The following LRP5 variants were observed in gnomAD, a reference collection of about 807,000 sequenced individuals.
LRP5 encodes LDL receptor related protein 5, also known as low-density lipoprotein receptor-related protein 5.
LRP5 carries 62 observed loss-of-function variants against 154.1 expected under a neutral mutation model. The observed-to-expected ratio is 0.40, with a 90% CI of 0.33 to 0.50. The LOEUF (loss-of-function observed/expected upper bound fraction) is 0.50, where lower values mean the gene tolerates loss of function less well. LRP5 is among the 20% of genes least tolerant of loss of function. The pLI, the probability that LRP5 is intolerant of heterozygous loss-of-function variation, is 0.55. For missense variants in LRP5, 1,915 were observed against 2,336.7 expected, an observed-to-expected ratio of 0.82 and a Z score of 3.72; for synonymous variants, 966 against 1,011.5, an observed-to-expected ratio of 0.96 and a Z score of 0.85.
chr11:68,411,695 C>A lies in LRP5; in HGVS notation c.2503+75C>A. 4.1e-6 allele frequency: 6 copies of A among 1,478,970 alleles called. No individual in the cohort carries two copies. The East Asian group carries it at 1.4e-4, about 35-fold the overall frequency. The allele number at this position is 1,478,970 out of a possible 1,614,324, so 91.6% of individuals were successfully genotyped here. On this transcript the variant is annotated intron_variant, in intron 11 of 22. Transcript: ENST00000294304. ...CGTTGGCCACCTCCCAGCCTCGCCG[C>A]ACATACCCTGTGGCCTGCAAGTTCC...
At chr11:68,343,782 C>T (rs1341341369) in intron 1 of LRP5, among the ~76,000 whole-genome samples, 1 of 152,208 alleles carries the variant, frequency 6.6e-6, no homozygotes, top group African/African-American at 2.4e-5. Context: ...CCAGGAGCTC[C>T]TGCATCCTGG....
At chr11:68,303,989 C>A in the LRP5 span, among the ~76,000 whole-genome samples, 1 of 152,204 alleles carries the variant, frequency 6.6e-6, no homozygotes, top group African/African-American at 2.4e-5. Flanking sequence ...GGAGTTCAAG[C>A]CGGCAGTGGA....
chr11:68,423,738 G>T lies in LRP5; in HGVS notation c.3236+41G>T. On this transcript the variant is annotated intron_variant, in intron 14 of 22. Transcript: ENST00000294304. This position sits in a 1 kb window ranked among gnomAD's most constrained non-coding sequence, Gnocchi z 4.7. ...GTGGGTGGGGGTGCTGCCCGTCCAG[G>T]CGTGCCCGCCGTGTCTTCTGCCGAA... 1 of 1,565,388 alleles carries T rather than the reference G, an allele frequency of 6.4e-7. No homozygotes were observed. The highest frequency in any genetic ancestry group is 8.7e-7 in the Non-Finnish European group (1 of 1,153,770).
Position 68,423,807 on chromosome 11 carries a change from C to G in LRP5, c.3236+110C>G. 9.3e-7 allele frequency: 1 copy of G among 1,075,328 alleles called. No individual in the cohort carries two copies. The highest frequency in any genetic ancestry group is 1.5e-5 in the South Asian group (1 of 68,262). The allele number at this position is 1,075,328 out of a possible 1,614,324, so 66.6% of individuals were successfully genotyped here. A position where few individuals can be genotyped will look rare whatever the true frequency, so the allele number is the denominator to read the frequency against. ...TGGGGAGACTTTCCACCCTGGGGAT[C>G]CAATGGGTGGCTTTCCAGGGTCCCA... On this transcript the variant is annotated intron_variant, in intron 14 of 22. Coordinates refer to ENST00000294304, the MANE Select transcript of LRP5 (RefSeq NM_002335.4). This position sits in a 1 kb window ranked among gnomAD's most constrained non-coding sequence, Gnocchi z 4.7.
chr11:68,420,184 C>T (rs1479228225), intron 13 of LRP5, among the ~76,000 whole-genome samples: 2 of 152,222 alleles, frequency 1.3e-5, no homozygotes, highest in South Asian at 2.1e-4. Flanking sequence ...TTCACCTTCT[C>T]GGCAGATGTC....
chr11:68,385,101 G>C (rs1314064868), intron 5 of LRP5, among the ~76,000 whole-genome samples: 2 of 152,214 alleles, frequency 1.3e-5, no homozygotes, highest in Non-Finnish European at 2.9e-5. Flanking sequence ...AGTCTTAGGG[G>C]CTGGCAAATC....
chr11:68,361,108 A>C (rs1438997621), intron 3 of LRP5, among the ~76,000 whole-genome samples: 1 of 149,884 alleles, frequency 6.7e-6, no homozygotes, highest in Admixed American at 6.7e-5. Flanking sequence ...GATTGAGATC[A>C]TCCTGGCTAA....
At chr11:68,415,118 C>A (rs1407990525) in intron 12 of LRP5, among the ~76,000 whole-genome samples, 2 of 152,178 alleles carry the variant, frequency 1.3e-5, no homozygotes, top group African/African-American at 4.8e-5. Context: ...AGGACTCAGG[C>A]CAGGAGACTC....
At chr11:68,380,742 G>A (rs2098639818) in intron 5 of LRP5, among the ~76,000 whole-genome samples, 1 of 152,328 alleles carries the variant, frequency 6.6e-6, no homozygotes, top group Middle Eastern at 3.4e-3. Context: ...GCTGGTGGGT[G>A]CCAGGCCTCC....
At chr11:68,340,218 C>T (rs914251702) in intron 1 of LRP5, among the ~76,000 whole-genome samples, 1 of 151,974 alleles carries the variant, frequency 6.6e-6, no homozygotes, top group African/African-American at 2.4e-5. Context: ...CCAGCCTGGG[C>T]AACTAGAGTG....
chr11:68,411,440 A>T lies in LRP5; in HGVS notation c.2323A>T (p.Ile775Phe), dbSNP rs1409940030. Residue 775 changes from isoleucine (I) to phenylalanine (F), a missense_variant, in exon 11 of 23, where the codon ATC (isoleucine) becomes TTC (phenylalanine). By Grantham distance (21) the Ile-to-Phe change is conservative. Around this residue, in one of 3 missense-constraint regions of LRP5, gnomAD observed 773 missense variants for 1,100.9 expected, o/e 0.70. Coordinates refer to ENST00000294304, the MANE Select transcript of LRP5 (RefSeq NM_002335.4). ...SLALDPTKGY[I>F]YWTEWGGKPR... is the part of the protein sequence containing the mutation. ...CTTCTCCCTTGTGCCTTCCAGCTAC[A>T]TCTACTGGACCGAGTGGGGCGGCAA... 1 of 1,611,390 alleles carries T rather than the reference A, an allele frequency of 6.2e-7. No individual in the cohort carries two copies. Among genetic ancestry groups the T allele is most frequent in the Admixed American group, 1.7e-5 (1 of 59,998 alleles).
At chr11:68,407,056 G>A (rs553080098) in intron 9 of LRP5, among the ~76,000 whole-genome samples, 2 of 152,016 alleles carry the variant, frequency 1.3e-5, no homozygotes, top group South Asian at 2.1e-4. Flanking sequence ...TTTGTTGTCC[G>A]TTGAGCTTGA....
At chr11:68,339,631 C>T (rs1044110865) in intron 1 of LRP5, among the ~76,000 whole-genome samples, 2 of 152,202 alleles carry the variant, frequency 1.3e-5, no homozygotes, top group African/African-American at 2.4e-5. Context: ...CAGGCGTGAG[C>T]CACCATACCT....
chr11:68,339,524 T>C (rs2098607672), intron 1 of LRP5, among the ~76,000 whole-genome samples: 1 of 152,026 alleles, frequency 6.6e-6, no homozygotes, highest in Non-Finnish European at 1.5e-5. Context: ...ATTTGTGTAT[T>C]TTTAGTAGAG....
intron 5 of LRP5, among the ~76,000 whole-genome samples, chr11:68,376,915 A>C (rs1253483798): frequency 6.6e-6 from 1 of 152,198 alleles, no homozygotes; most frequent in African/African-American, 2.4e-5. Context: ...TCATTTGCTC[A>C]ACAAAACCAC....
chr11:68,381,146 C>T (rs2098640048), intron 5 of LRP5, among the ~76,000 whole-genome samples: 1 of 152,206 alleles, frequency 6.6e-6, no homozygotes, highest in Non-Finnish European at 1.5e-5. Context: ...AGCCAAGGAA[C>T]TCCAAGTATT....
chr11:68,358,170 C>T (rs1351467623), intron 3 of LRP5, among the ~76,000 whole-genome samples: 1 of 151,786 alleles, frequency 6.6e-6, no homozygotes, highest in African/African-American at 2.4e-5. Context: ...GGCTGGAGTG[C>T]AATGTCATAA....
At chr11:68,394,565 A>G (rs777450558) in intron 7 of LRP5, among the ~76,000 whole-genome samples, 10 of 151,340 alleles carry the variant, frequency 6.6e-5, no homozygotes, top group Admixed American at 1.3e-4. Context: ...TCCCGGGTTC[A>G]TGCCATTCTC....
chr11:68,333,354 C>T lies in LRP5; in HGVS notation c.92-14493C>T, dbSNP rs180772644. Among the ~76,000 whole-genome samples, 248 of 152,290 alleles carry T rather than the reference C, an allele frequency of 1.6e-3. 1 individual carries two copies. Among genetic ancestry groups the T allele is most frequent in the Non-Finnish European group, 2.9e-3 (194 of 68,024 alleles). ...TGGCCCAGCAATGAATATTTTCAGC[C>T]ACTTGTAGACACCTGAACTTCATTC... On this transcript the variant is annotated intron_variant, in intron 1 of 22. Coordinates refer to ENST00000294304, the MANE Select transcript of LRP5 (RefSeq NM_002335.4).
Sources: allele counts gnomAD v4.1 joint callset (sites outside exome capture counted in the v4.1 genomes callset), GRCh38; gene constraint gnomAD v4.1.1; regional missense constraint gnomAD v4.1.1; non-coding constraint Gnocchi (gnomAD v3.1); transcripts MANE v1.5; gene names NCBI Gene and HGNC (gene_info 2026-07-23, HGNC 2026-07-21).